Variants in HNRNPDL observed in about 807,000 individuals in gnomAD.
The protein encoded by HNRNPDL is heterogeneous nuclear ribonucleoprotein D-like.
In HNRNPDL, 18 loss-of-function variants were observed where a neutral mutation model predicts 48.0. That is an observed-to-expected ratio of 0.38 (90% CI 0.26 to 0.56). The LOEUF (loss-of-function observed/expected upper bound fraction) is 0.56, where lower values mean the gene tolerates loss of function less well. HNRNPDL is among the 20% of genes least tolerant of loss of function. HNRNPDL has a pLI of 0.77. For synonymous variants in HNRNPDL, 306 were observed against 207.3 expected, an observed-to-expected ratio of 1.48 and a Z score of -4.09; for missense variants, 553 against 540.7, an observed-to-expected ratio of 1.02 and a Z score of -0.23.
rs546656055 is a variant in HNRNPDL at position 82,430,272 on chromosome 4, G to A, written c.-582C>T. The stretch of plus-strand genomic sequence containing the variant: ...AGGGGCGGGGGCTGGCCAGATGACT[G>A]TATCTATGCAAAGGCGGAGGCGGTG... On this transcript the variant is annotated 5_prime_UTR_variant, in exon 1 of 8. Transcript: ENST00000295470. 1.2e-4 allele frequency: 18 copies of A among 152,726 alleles called. No individual in the cohort carries two copies. The highest frequency in any genetic ancestry group is 3.6e-4 in the African/African-American group (15 of 41,522). 9.5% of individuals were successfully genotyped at this position (152,726 alleles called of 1,614,324 possible).
At position 82,423,544 on chromosome 4, in the gene HNRNPDL, G is replaced by A. The variant is rs766243380; in HGVS notation, c.*1362C>T. On this transcript the variant is annotated 3_prime_UTR_variant, in exon 8 of 8. Transcript: ENST00000295470. ...CACCAAATTAAAAAAAAAAAGGGAGGGCTCATGAGCATAAGAAACTTACCA... is the reference window on the plus strand; with the variant it reads ...CACCAAATTAAAAAAAAAAAGGGAGAGCTCATGAGCATAAGAAACTTACCA... 1 of 152,000 alleles carries A rather than the reference G, an allele frequency of 6.6e-6. No homozygotes were observed. Among genetic ancestry groups the A allele is most frequent in the Non-Finnish European group, 1.5e-5 (1 of 68,008 alleles). 9.4% of individuals were successfully genotyped at this position (152,000 alleles called of 1,614,324 possible). A position where few individuals can be genotyped will look rare whatever the true frequency, so the allele number is the denominator to read the frequency against.
At chr4:82,427,832 G>A (rs967733229) in intron 3 of HNRNPDL, among the ~76,000 whole-genome samples, 186 bp downstream of exon 3, 2 of 152,244 alleles carry the variant, frequency 1.3e-5, no homozygotes, top group East Asian at 3.8e-4. Flanking sequence ...CCATGTTTTA[G>A]CTAAATTAGA....
intron 1 of HNRNPDL, among the ~76,000 whole-genome samples, chr4:82,428,739 G>A (rs1324519789): frequency 6.6e-6 from 1 of 152,210 alleles, no homozygotes; most frequent in Non-Finnish European, 1.5e-5. Flanking sequence ...CTTCCTAGAT[G>A]AATCCCTCAC....
intron 7 of HNRNPDL, 78 bp downstream of exon 7, chr4:82,425,959 G>T: frequency 1.0e-6 from 1 of 970,648 alleles, no homozygotes; most frequent in Non-Finnish European, 1.6e-6. Flanking sequence ...ATAGTATTTT[G>T]TTTTTACGTT....
intron 3 of HNRNPDL, among the ~76,000 whole-genome samples, chr4:82,427,794 A>C (rs1021788652): frequency 6.6e-6 from 1 of 152,266 alleles, no homozygotes; most frequent in Non-Finnish European, 1.5e-5. Flanking sequence ...CTAGTTAACA[A>C]GTCCAAACAC....
intron 6 of HNRNPDL, 127 bp downstream of exon 6, chr4:82,426,336 C>T: frequency 3.3e-6 from 3 of 906,432 alleles, no homozygotes; most frequent in Non-Finnish European, 5.1e-6. Context: ...ATGATTGTAA[C>T]ATGCCTCAAA....
chr4:82,429,555 C>T lies in HNRNPDL; in HGVS notation c.136G>A (p.Ala46Thr). The T allele has an allele frequency of 6.9e-7, 1 of 1,451,266 alleles. No individual in the cohort carries two copies. The allele number at this position is 1,451,266 out of a possible 1,614,324, so 89.9% of individuals were successfully genotyped here. A position where few individuals can be genotyped will look rare whatever the true frequency, so the allele number is the denominator to read the frequency against. Residue 46 changes from alanine to threonine, a missense_variant, in exon 1 of 8, where the codon GCT (alanine) becomes ACT (threonine). Physicochemically the swap from Ala to Thr is moderately conservative, Grantham distance 58. Around this residue, in one of 4 missense-constraint regions of HNRNPDL, gnomAD observed 327 missense variants for 203.2 expected, o/e 1.61. Transcript: ENST00000295470. ...RQLAPLLPSLAPSSARQGARR... is the reference protein window; with the variant it reads ...RQLAPLLPSLTPSSARQGARR... ...GCCCCCTGCCGGGCGGAGCTGGGAG[C>T]GAGCGAAGGGAGGAGCGGGGCTAGC...
In HNRNPDL at chr4:82,429,370, A is replaced by C. The variant is rs748859467; in HGVS notation, c.321T>G (p.Thr107=). The change falls in exon 1 of 8, where the codon ACT becomes ACG. Residue 107 remains threonine (T), a synonymous_variant. Coordinates refer to ENST00000295470, the MANE Select transcript of HNRNPDL (RefSeq NM_031372.4). ...TGTCGGCAGGGGGGTGCTGGCGCGC[A>C]GTCCGGGTCGCGGCAGCAGCGGCGG... ...RSAAAAAATR[T]ARQHPPADSS... is the part of the protein sequence containing the mutation. 1.2e-6 allele frequency: 2 copies of C among 1,613,454 alleles called. No individual in the cohort carries two copies. The highest frequency in any genetic ancestry group is 2.2e-5 in the East Asian group (1 of 44,814).
intron 3 of HNRNPDL, among the ~76,000 whole-genome samples, 179 bp from the exon 4 acceptor site, chr4:82,427,743 C>T (rs1472351386): frequency 6.6e-6 from 1 of 152,186 alleles, no homozygotes; most frequent in Non-Finnish European, 1.5e-5. Context: ...ATATTTGAAG[C>T]ATTGAGAGAA....
rs6826022 is a variant in HNRNPDL, at chr4:82,427,825, T to C, written c.774+193A>G. ...AACACTGACCACATTTAAGTGCCCATGTTTTAGCTAAATTAGATAGTTGGG... is the reference window on the plus strand; with the variant it reads ...AACACTGACCACATTTAAGTGCCCACGTTTTAGCTAAATTAGATAGTTGGG... On this transcript the variant is annotated intron_variant, in intron 3 of 7. Coordinates refer to ENST00000295470, the MANE Select transcript of HNRNPDL (RefSeq NM_031372.4). Among the ~76,000 whole-genome samples the C allele has an allele frequency of 0.33, 50,320 of 152,138 alleles. 9,817 individuals carry two copies. Among genetic ancestry groups the C allele is most frequent in the South Asian group, 0.55 (2,650 of 4,826 alleles).
intron 1 of HNRNPDL, 43 bp downstream of exon 1, chr4:82,429,205 G>A: frequency 6.3e-7 from 1 of 1,579,362 alleles, no homozygotes; most frequent in Non-Finnish European, 8.7e-7. Flanking sequence ...GGGCGCGTGC[G>A]GCGCGCTGGG....
At position 82,423,797 on chromosome 4, in the gene HNRNPDL, A is replaced by T. The variant is rs148883748; in HGVS notation, c.*1109T>A. The T allele has an allele frequency of 1.8e-4, 28 of 151,428 alleles. No individual in the cohort carries two copies. Among genetic ancestry groups the T allele is most frequent in the Admixed American group, 1.1e-3 (17 of 15,230 alleles). The allele number at this position is 151,428 out of a possible 1,614,324, so 9.4% of individuals were successfully genotyped here. A position where few individuals can be genotyped will look rare whatever the true frequency, so the allele number is the denominator to read the frequency against. ...GACTCAGTCACATTTGTAATGACTTAGTCACATTTGTAATGACTTTGTCAT... is the reference window on the plus strand; with the variant it reads ...GACTCAGTCACATTTGTAATGACTTTGTCACATTTGTAATGACTTTGTCAT... On this transcript the variant is annotated 3_prime_UTR_variant, in exon 8 of 8. Transcript: ENST00000295470.
chr4:82,426,236 T>G, intron 6 of HNRNPDL, 107 bp from the exon 7 acceptor site: 1 of 1,094,130 alleles, frequency 9.1e-7, no homozygotes, highest in South Asian at 1.3e-5. Context: ...TAAAAAGTAT[T>G]AAGATATTTT....
rs1721658899 is a variant in HNRNPDL at position 82,430,078 on chromosome 4, C to A, written c.-388G>T. On this transcript the variant is annotated 5_prime_UTR_variant, in exon 1 of 8. Coordinates refer to ENST00000295470, the MANE Select transcript of HNRNPDL (RefSeq NM_031372.4). ...TGTTTTGTCCTCGAGCTGGCAGGAACCAGCCGAACAGGAAGCGGGCGCGCG... is the reference window on the plus strand; with the variant it reads ...TGTTTTGTCCTCGAGCTGGCAGGAAACAGCCGAACAGGAAGCGGGCGCGCG... 6.4e-6 allele frequency: 1 copy of A among 156,548 alleles called. No homozygotes were observed. Among genetic ancestry groups the A allele is most frequent in the Non-Finnish European group, 1.4e-5 (1 of 71,204 alleles). The allele number at this position is 156,548 out of a possible 1,614,324, so 9.7% of individuals were successfully genotyped here. A position where few individuals can be genotyped will look rare whatever the true frequency, so the allele number is the denominator to read the frequency against.
rs1231681689 is a variant in HNRNPDL at position 82,422,572 on chromosome 4, CAACA to C, written c.*2330_*2333del. The C allele has an allele frequency of 3.3e-5, 5 of 152,176 alleles. No homozygotes were observed. The highest frequency in any genetic ancestry group is 7.4e-5 in the Non-Finnish European group (5 of 68,024). 9.4% of individuals were successfully genotyped at this position (152,176 alleles called of 1,614,324 possible). A position where few individuals can be genotyped will look rare whatever the true frequency, so the allele number is the denominator to read the frequency against. On this transcript the variant is annotated 3_prime_UTR_variant, in exon 8 of 8. Coordinates refer to ENST00000295470, the MANE Select transcript of HNRNPDL (RefSeq NM_031372.4). ...GCTCTGCTTATCCACGCTAGCATCC[CAACA>C]GACATCTCATTTTAATAGTCCTCAT... is the stretch of plus-strand genomic sequence containing the variant.
In HNRNPDL at chr4:82,423,891, T is replaced by C. The variant is rs778938309; in HGVS notation, c.*1015A>G. ...ATTTAACTACTTAGTTCATGCACTG[T>C]GTCAAAAACTAGATTTACTATCAAG... is the stretch of plus-strand genomic sequence containing the variant. On this transcript the variant is annotated 3_prime_UTR_variant, in exon 8 of 8. Coordinates refer to ENST00000295470, the MANE Select transcript of HNRNPDL (RefSeq NM_031372.4). The C allele has an allele frequency of 1.3e-5, 2 of 152,224 alleles. No individual in the cohort carries two copies. Among genetic ancestry groups the C allele is most frequent in the African/African-American group, 2.4e-5 (1 of 41,450 alleles). The allele number at this position is 152,224 out of a possible 1,614,324, so 9.4% of individuals were successfully genotyped here. A position where few individuals can be genotyped will look rare whatever the true frequency, so the allele number is the denominator to read the frequency against.
chr4:82,425,142 T>A (rs1292050412), intron 7 of HNRNPDL: 1 of 152,202 alleles, frequency 6.6e-6, no homozygotes, highest in Non-Finnish European at 1.5e-5. Flanking sequence ...TATGCTAGAT[T>A]AAGGTCTACT....
Position 82,429,381 on chromosome 4 carries a change from C to A in HNRNPDL, c.310G>T (p.Ala104Ser). 1.2e-6 allele frequency: 2 copies of A among 1,613,440 alleles called. No individual in the cohort carries two copies. Among genetic ancestry groups the A allele is most frequent in the Non-Finnish European group, 1.7e-6 (2 of 1,179,802 alleles). Residue 104 changes from alanine (A) to serine (S), a missense_variant, in exon 1 of 8, where the codon GCG becomes TCG. By Grantham distance (99) the Ala-to-Ser change is moderately conservative. Coordinates refer to ENST00000295470, the MANE Select transcript of HNRNPDL (RefSeq NM_031372.4). Reference sequence around the variant, plus strand: ...GGGTGCTGGCGCGCAGTCCGGGTCGCGGCAGCAGCGGCGGCGGAGCGTTGT... The same window carrying A: ...GGGTGCTGGCGCGCAGTCCGGGTCGAGGCAGCAGCGGCGGCGGAGCGTTGT... ...SIQRSAAAAA[A>S]TRTARQHPPA...
intron 7 of HNRNPDL, 192 bp from the exon 8 acceptor site, chr4:82,425,075 C>A (rs1721364150): frequency 1.3e-5 from 2 of 152,274 alleles, no homozygotes; most frequent in South Asian, 4.1e-4. Flanking sequence ...ACATTAAATT[C>A]AAATCTATTC....
Sources: gnomAD v4.1 joint callset for allele counts (sites outside exome capture counted in the v4.1 genomes callset) on GRCh38, gnomAD v4.1.1 for gene constraint, gnomAD v4.1.1 regional missense constraint, MANE v1.5 for transcripts, NCBI Gene and HGNC (gene_info 2026-07-23, HGNC 2026-07-21) for gene names.